The following SIK3 variants were observed in gnomAD, a reference collection of about 807,000 sequenced individuals.
The protein encoded by SIK3 is serine/threonine-protein kinase SIK3.
SIK3 carries 28 observed loss-of-function variants against 144.2 expected under a neutral mutation model. The observed-to-expected ratio is 0.19, with a 90% CI of 0.14 to 0.27. SIK3 has a LOEUF of 0.27. Ranked by LOEUF, SIK3 falls within the 10% of genes least tolerant of loss-of-function variation. SIK3 has a pLI of 1.00. For missense variants in SIK3, 1,319 were observed against 1,776.0 expected (o/e 0.74, Z 4.62); for synonymous variants, 686 against 676.3 (o/e 1.01, Z -0.22).
intron 1 of SIK3, among the ~76,000 whole-genome samples, chr11:117,065,208 T>C (rs1378457952): frequency 6.6e-6 from 1 of 151,378 alleles, no homozygotes; most frequent in Non-Finnish European, 1.5e-5. Context: ...TCTCTAGTGA[T>C]TCTTACCCAA....
At chr11:117,046,637 GGGAGGTGGAA>G (rs1208342920) in intron 1 of SIK3, among the ~76,000 whole-genome samples, 1 of 152,134 alleles carries the variant, frequency 6.6e-6, no homozygotes, top group Non-Finnish European at 1.5e-5. Flanking sequence ...CCAGCACTTT[GGGAGGTGGAA>G]GGAGGTGGAT....
chr11:117,049,704 C>G (rs376167022), intron 1 of SIK3, among the ~76,000 whole-genome samples: 7 of 152,048 alleles, frequency 4.6e-5, no homozygotes, highest in African/African-American at 1.2e-4. Context: ...ACACCTAGTC[C>G]CAACATTTTT....
At chr11:116,932,510 G>C (rs920458320) in intron 3 of SIK3, among the ~76,000 whole-genome samples, 1 of 151,976 alleles carries the variant, frequency 6.6e-6, no homozygotes, top group African/African-American at 2.4e-5. Flanking sequence ...ACAACTATTC[G>C]GACTCAGTCA....
intron 1 of SIK3, among the ~76,000 whole-genome samples, chr11:117,034,533 A>G (rs573322535): frequency 6.6e-6 from 1 of 152,214 alleles, no homozygotes; most frequent in Non-Finnish European, 1.5e-5. Flanking sequence ...GCCAAAACAT[A>G]ATGAGATCAG....
chr11:116,848,738 G>A (rs752832090), intron 22 of SIK3, among the ~76,000 whole-genome samples: 4 of 152,158 alleles, frequency 2.6e-5, no homozygotes, highest in African/African-American at 7.2e-5. Context: ...TAAGGTAGGC[G>A]AATTGCCTGA....
chr11:116,925,715 T>C (rs1176616571), intron 4 of SIK3, among the ~76,000 whole-genome samples: 1 of 152,236 alleles, frequency 6.6e-6, no homozygotes, highest in East Asian at 1.9e-4. Context: ...CTACAACAAA[T>C]AATTACAAAA....
intron 1 of SIK3, among the ~76,000 whole-genome samples, chr11:117,097,438 C>T (rs1201050747): frequency 6.7e-6 from 1 of 149,748 alleles, no homozygotes; most frequent in Non-Finnish European, 1.5e-5. Context: ...CAGCCCCCAC[C>T]CCCACCTCAC....
chr11:116,877,778 T>C (rs372439752), intron 6 of SIK3, among the ~76,000 whole-genome samples: 2,215 of 118,256 alleles, frequency 0.019, 44 homozygotes, highest in African/African-American at 0.063. Flanking sequence ...CTCTAAGTTT[T>C]CTCATCTATA....
At position 116,977,263 on chromosome 11, in the gene SIK3, TACAG is replaced by T. The variant is rs571753899; in HGVS notation, c.274-20203_274-20200del. Among the ~76,000 whole-genome samples, 27 of 117,394 alleles carry T rather than the reference TACAG, an allele frequency of 2.3e-4. 1 individual carries two copies. In the South Asian group the frequency reaches 7.5e-3, roughly 32 times the overall value. The allele number at this position is 117,394 out of a possible 152,430, so 77.0% of individuals were successfully genotyped here. ...CCCTCCCTCCCTTCCTTCCTTTTCA[TACAG>T]ACAGAGTCTCGTTATGTTGCCTGGA... On this transcript the variant is annotated intron_variant, in intron 1 of 24. Transcript: ENST00000445177.
Position 117,009,739 on chromosome 11 carries a change from CTACT to C in SIK3, c.274-52679_274-52676del, listed in dbSNP as rs1951185131. ...CAATATAAAACCTTTAAGAGATTCC[CTACT>C]TAATGATTAGTGAATCTTTATCACC... On this transcript the variant is annotated intron_variant, in intron 1 of 24. Coordinates refer to ENST00000445177, the MANE Select transcript of SIK3 (RefSeq NM_001366686.3). Among the ~76,000 whole-genome samples, 6 of 152,176 alleles carry C rather than the reference CTACT, an allele frequency of 3.9e-5. 1 individual carries two copies. The South Asian group carries it at 1.2e-3, about 32-fold the overall frequency.
chr11:116,963,014 C>T (rs10502222), intron 1 of SIK3, among the ~76,000 whole-genome samples: 69,334 of 152,042 alleles, frequency 0.46, 19,206 homozygotes, highest in Non-Finnish European at 0.64. Context: ...AGGACGTATT[C>T]CTTGAAAATG....
At chr11:116,908,591 C>T (rs565669297) in intron 4 of SIK3, among the ~76,000 whole-genome samples, 82 of 151,960 alleles carry the variant, frequency 5.4e-4, no homozygotes, top group African/African-American at 1.9e-3. Context: ...ATCAATAAGA[C>T]CAATAGAGAA....
chr11:116,870,063 G>A (rs1281139852), intron 14 of SIK3: 2 of 1,392,584 alleles, frequency 1.4e-6, no homozygotes, highest in Non-Finnish European at 1.9e-6. Flanking sequence ...GAAGGCAGGG[G>A]ACAAGGAAGA....
chr11:117,007,576 A>G (rs1304566930), intron 1 of SIK3, among the ~76,000 whole-genome samples: 1 of 152,190 alleles, frequency 6.6e-6, no homozygotes, highest in Non-Finnish European at 1.5e-5. Context: ...TGCACACTCA[A>G]TCACAAGCGT....
chr11:116,871,660 T>C (rs552270391), intron 13 of SIK3, among the ~76,000 whole-genome samples: 2 of 152,298 alleles, frequency 1.3e-5, no homozygotes, highest in South Asian at 4.1e-4. Context: ...ACACAATGGA[T>C]GACAGTGACC....
At chr11:116,881,128 A>G (rs1339283023) in intron 6 of SIK3, among the ~76,000 whole-genome samples, 1 of 152,094 alleles carries the variant, frequency 6.6e-6, no homozygotes, top group Non-Finnish European at 1.5e-5. Flanking sequence ...CGTCTCTAAA[A>G]AAATAAATAA....
intron 18 of SIK3, 40 bp downstream of exon 18, chr11:116,861,801 T>C: frequency 7.2e-7 from 1 of 1,384,302 alleles, no homozygotes; most frequent in Non-Finnish European, 1.0e-6. Flanking sequence ...TACCAGGCTA[T>C]CGAGACAATG....
rs1955573706 is a variant in SIK3, at chr11:117,098,282, G to A, written c.134C>T (p.Ala45Val). 3.7e-6 allele frequency: 5 copies of A among 1,334,208 alleles called. No individual in the cohort carries two copies. In the South Asian group the frequency reaches 6.4e-5, roughly 17 times the overall value. The allele number at this position is 1,334,208 out of a possible 1,614,324, so 82.6% of individuals were successfully genotyped here. A position where few individuals can be genotyped will look rare whatever the true frequency, so the allele number is the denominator to read the frequency against. ...PAAPAAVSPAAGQPRPPAPAS... is the reference protein window; with the variant it reads ...PAAPAAVSPAVGQPRPPAPAS... ...CGGGGCTGGGGGACGCGGCTGGCCG[G>A]CCGCAGGGGACACGGCAGCGGGGGC... Residue 45 changes from alanine to valine, a missense_variant, in exon 1 of 25, where the codon GCC becomes GTC. Ala to Val is a moderately conservative substitution (Grantham distance 64). This residue lies in a region of SIK3 where 114 missense variants were observed against 116.2 expected (regional missense o/e 0.98). Coordinates refer to ENST00000445177, the MANE Select transcript of SIK3 (RefSeq NM_001366686.3).
chr11:116,946,090 C>A (rs564059741), intron 3 of SIK3, among the ~76,000 whole-genome samples: 38 of 152,316 alleles, frequency 2.5e-4, no homozygotes, highest in Non-Finnish European at 5.1e-4. Flanking sequence ...TTATGCTCAT[C>A]CCTCAGTTCC....
Sources: allele counts gnomAD v4.1 joint callset (sites outside exome capture counted in the v4.1 genomes callset), GRCh38; gene constraint gnomAD v4.1.1; regional missense constraint gnomAD v4.1.1; transcripts MANE v1.5; gene names NCBI Gene and HGNC (gene_info 2026-07-23, HGNC 2026-07-21).